The following SNX13 variants were observed in gnomAD, a reference collection of about 807,000 sequenced individuals.
SNX13 encodes sorting nexin-13.
In SNX13, 45 loss-of-function variants were observed where a neutral mutation model predicts 133.6. The observed-to-expected ratio is 0.34, with a 90% CI of 0.27 to 0.43. The LOEUF (loss-of-function observed/expected upper bound fraction) is 0.43. SNX13 is among the 20% of genes least tolerant of loss of function. The pLI, the probability that SNX13 is intolerant of heterozygous loss-of-function variation, is 1.00. For synonymous variants in SNX13, 414 were observed against 373.9 expected (o/e 1.11, Z -1.24); for missense variants, 1,032 against 1,145.1 (o/e 0.90, Z 1.43).
At chr7:17,803,607 T>C (rs1373980650) in intron 20 of SNX13, 27 bp from the exon 21 acceptor site, 11 of 1,570,556 alleles carry the variant, frequency 7.0e-6, no homozygotes, top group Non-Finnish European at 8.6e-6. Flanking sequence ...TATTATACCA[T>C]GACTTTATTG....
chr7:17,830,640 A>G (rs766947506), intron 15 of SNX13: 86 of 983,756 alleles, frequency 8.7e-5, no homozygotes, highest in Non-Finnish European at 9.4e-5. Flanking sequence ...AGCAACTAGG[A>G]CAAATTAATG....
At chr7:17,826,233 C>A (rs781401311) in intron 16 of SNX13, 142 bp from the exon 17 acceptor site, 2 of 464,348 alleles carry the variant, frequency 4.3e-6, no homozygotes, top group Non-Finnish European at 7.7e-6. Flanking sequence ...TCCATCCCCT[C>A]CATACACAAT....
At chr7:17,874,307 TATGCC>T (rs1481741548) in intron 7 of SNX13, among the ~76,000 whole-genome samples, 1 of 152,156 alleles carries the variant, frequency 6.6e-6, no homozygotes, top group Non-Finnish European at 1.5e-5. Flanking sequence ...CACAAAAAGG[TATGCC>T]ATGAATGCAT....
intron 9 of SNX13, among the ~76,000 whole-genome samples, chr7:17,854,858 C>T (rs1791693665): frequency 6.6e-6 from 1 of 152,082 alleles, no homozygotes; most frequent in South Asian, 2.1e-4. Context: ...AAGGAAGAGC[C>T]ACATATCTTT....
rs1802706144 is a variant in SNX13, at chr7:17,940,397, C to T, written c.-102G>A. ...GGGCCGCCGCCAACGGCGGCAACTG[C>T]TCCTTCAGTCTTCTCCCGGGCGGCG... On this transcript the variant is annotated 5_prime_UTR_variant, in exon 1 of 26. Transcript: ENST00000428135. The T allele has an allele frequency of 4.5e-6, 6 of 1,325,560 alleles. No individual in the cohort carries two copies. The highest frequency in any genetic ancestry group is 6.3e-6 in the Non-Finnish European group (6 of 945,320). The allele number at this position is 1,325,560 out of a possible 1,614,324, so 82.1% of individuals were successfully genotyped here.
rs1206124168 is a variant in SNX13 at position 17,875,800 on chromosome 7, A to C, written c.441-10T>G. ...GTCTATTTCTTTTGACCTTATAAAA[A>C]ACACATTACATAAAAGGATTATATA... is the stretch of plus-strand genomic sequence containing the variant. On this transcript the variant is annotated splice_polypyrimidine_tract_variant and intron_variant, in intron 5 of 25. Transcript: ENST00000428135. 6.4e-7 allele frequency: 1 copy of C among 1,571,154 alleles called. No homozygotes were observed. The highest frequency in any genetic ancestry group is 8.6e-7 in the Non-Finnish European group (1 of 1,156,862).
At chr7:17,901,481 C>T (rs1797837255) in intron 1 of SNX13, among the ~76,000 whole-genome samples, 3 of 152,242 alleles carry the variant, frequency 2.0e-5, no homozygotes, top group Admixed American at 2.0e-4. Flanking sequence ...ACTCAGGTTC[C>T]AACCACTGGG....
chr7:17,939,498 T>C (rs1338079355), intron 1 of SNX13, among the ~76,000 whole-genome samples: 1 of 152,250 alleles, frequency 6.6e-6, no homozygotes, highest in Non-Finnish European at 1.5e-5. Context: ...AAAGTGTTGC[T>C]AGTAAAGGCA....
At chr7:17,929,027 T>C (rs1010970770) in intron 1 of SNX13, among the ~76,000 whole-genome samples, 4 of 152,128 alleles carry the variant, frequency 2.6e-5, no homozygotes, top group Non-Finnish European at 5.9e-5. Flanking sequence ...AGAAGTTAAA[T>C]TTTCTATTTT....
In SNX13 at chr7:17,793,867, G is replaced by A; in HGVS notation, c.*178C>T. 1 of 626,870 alleles carries A rather than the reference G, an allele frequency of 1.6e-6. No homozygotes were observed. Among genetic ancestry groups the A allele is most frequent in the Non-Finnish European group, 2.5e-6 (1 of 394,756 alleles). 38.8% of individuals were successfully genotyped at this position (626,870 alleles called of 1,614,324 possible). ...ATTTAAGACACAGAAATCTCTCTTG[G>A]TAGTGGTGGATTATAGATGAGAATG... On this transcript the variant is annotated 3_prime_UTR_variant, in exon 26 of 26. Coordinates refer to ENST00000428135, the MANE Select transcript of SNX13 (RefSeq NM_015132.5).
intron 1 of SNX13, among the ~76,000 whole-genome samples, chr7:17,930,465 A>T (rs1373712576): frequency 6.6e-6 from 1 of 152,206 alleles, no homozygotes; most frequent in Non-Finnish European, 1.5e-5. Context: ...ATCCTAGTAT[A>T]AAGATAATCT....
intron 5 of SNX13, chr7:17,888,900 G>A (rs193190559): frequency 8.1e-4 from 218 of 270,066 alleles, no homozygotes; most frequent in African/African-American, 4.5e-3. Flanking sequence ...TAGAGGTGGA[G>A]CTAGAATGCA....
intron 9 of SNX13, among the ~76,000 whole-genome samples, chr7:17,860,030 G>C (rs563521165): frequency 2.0e-5 from 3 of 152,126 alleles, no homozygotes; most frequent in Non-Finnish European, 4.4e-5. Flanking sequence ...GGGATTGTTA[G>C]ATCATACGGT....
chr7:17,849,198 C>T (rs1454155439), intron 11 of SNX13, among the ~76,000 whole-genome samples: 1 of 152,136 alleles, frequency 6.6e-6, no homozygotes. Context: ...TCTAAACTTC[C>T]TCCTCTCTCA....
chr7:17,887,271 A>C (rs1796113370), intron 5 of SNX13, among the ~76,000 whole-genome samples: 2 of 152,204 alleles, frequency 1.3e-5, no homozygotes, highest in Non-Finnish European at 2.9e-5. Flanking sequence ...ACTAAAACTT[A>C]ACAGTAGAGA....
At chr7:17,830,100 C>A in intron 15 of SNX13, 53 bp from the exon 16 acceptor site, 1 of 1,378,430 alleles carries the variant, frequency 7.3e-7, no homozygotes, top group South Asian at 1.5e-5. Context: ...AAAACGGTTG[C>A]TTTATCTAAG....
intron 12 of SNX13, among the ~76,000 whole-genome samples, chr7:17,845,142 G>T (rs1167827998): frequency 8.1e-6 from 1 of 123,228 alleles, no homozygotes; most frequent in African/African-American, 2.7e-5. Flanking sequence ...AAGCAAGTGT[G>T]TGCGTGTGTG....
At chr7:17,936,334 G>C (rs1295968934) in intron 1 of SNX13, among the ~76,000 whole-genome samples, 1 of 152,128 alleles carries the variant, frequency 6.6e-6, no homozygotes, top group Non-Finnish European at 1.5e-5. Flanking sequence ...ATTTATATCA[G>C]ATCTGTTAAC....
chr7:17,875,846 A>G (rs1166551268), intron 5 of SNX13, 56 bp from the exon 6 acceptor site: 2 of 1,396,340 alleles, frequency 1.4e-6, no homozygotes, highest in African/African-American at 2.9e-5. Flanking sequence ...CAGAAAATAT[A>G]AATTCATTTT....
Sources: allele counts gnomAD v4.1 joint callset (sites outside exome capture counted in the v4.1 genomes callset), GRCh38; gene constraint gnomAD v4.1.1; transcripts MANE v1.5; gene names NCBI Gene and HGNC (gene_info 2026-07-23, HGNC 2026-07-21).